Variants in NLRP1 observed in about 807,000 individuals in gnomAD.
NLRP1 encodes the protein NLR family pyrin domain containing 1.
NLRP1 carries 94 observed loss-of-function variants against 136.7 expected under a neutral mutation model. That is an observed-to-expected ratio of 0.69 (90% CI 0.58 to 0.82). The LOEUF is 0.82. Ranked by LOEUF, NLRP1 falls within the 40% of genes least tolerant of loss-of-function variation. NLRP1 has a pLI of 0.00. For synonymous variants in NLRP1, 690 were observed against 725.1 expected, an observed-to-expected ratio of 0.95 and a Z score of 0.78; for missense variants, 1,575 against 1,802.7, an observed-to-expected ratio of 0.87 and a Z score of 2.29.
chr17:5,530,223 C>T (rs554392587), intron 12 of NLRP1, among the ~76,000 whole-genome samples: 1 of 152,312 alleles, frequency 6.6e-6, no homozygotes, highest in East Asian at 1.9e-4. Flanking sequence ...TTGAGTGATA[C>T]AGTCTATATA....
chr17:5,562,014 A>T (rs965676126), intron 3 of NLRP1, among the ~76,000 whole-genome samples: 1 of 152,142 alleles, frequency 6.6e-6, no homozygotes, highest in Non-Finnish European at 1.5e-5. Context: ...CTTCCAGCGC[A>T]GTGGTCCTAA....
downstream of NLRP1, among the ~76,000 whole-genome samples, chr17:5,510,763 T>C (rs1451437388): frequency 6.6e-6 from 1 of 152,152 alleles, no homozygotes; most frequent in Non-Finnish European, 1.5e-5. Flanking sequence ...CTGGTCTCAA[T>C]AGATCTTCAG....
intron 15 of NLRP1, chr17:5,502,387 T>C: frequency 6.1e-6 from 1 of 162,666 alleles, no homozygotes. Flanking sequence ...CCTCCCAGGT[T>C]CAAGCGATTC....
At position 5,541,173 on chromosome 17, in the gene NLRP1, G is replaced by A. The variant is rs1911817927; in HGVS notation, c.2699+684C>T. On this transcript the variant is annotated intron_variant, in intron 6 of 16. Coordinates refer to ENST00000572272, the MANE Select transcript of NLRP1 (RefSeq NM_033004.4). The surrounding 1 kb of genome is among the most constrained non-coding windows in gnomAD (Gnocchi z 4.2). ...AATTCTCCTGCCTCAGGCTCCCTGA[G>A]TAGCTGGGATTACAGGTGCCCACCA... Among the ~76,000 whole-genome samples, 1 of 152,180 alleles carries A rather than the reference G, an allele frequency of 6.6e-6. No homozygotes were observed. The highest frequency in any genetic ancestry group is 1.5e-5 in the Non-Finnish European group (1 of 68,034).
rs148428943 is a variant in NLRP1, at chr17:5,527,560, G to A, written c.3520+2921C>T. Among the ~76,000 whole-genome samples the A allele has an allele frequency of 1.6e-3, 244 of 152,276 alleles. 6 individuals carry two copies. In the East Asian group the frequency reaches 0.041, roughly 26 times the overall value. ...CTGGAAGAGGGTCTTCACCTCTCTCGGCTTCAGTTTCCTCACTGGTACACC... is the reference window on the plus strand; with the variant it reads ...CTGGAAGAGGGTCTTCACCTCTCTCAGCTTCAGTTTCCTCACTGGTACACC... On this transcript the variant is annotated intron_variant, in intron 12 of 16. Transcript: ENST00000572272.
chr17:5,507,932 G>A (rs557114484), intron 15 of NLRP1, among the ~76,000 whole-genome samples: 235 of 151,902 alleles, frequency 1.5e-3, no homozygotes, highest in Non-Finnish European at 2.0e-3. Context: ...TCAGGAGTTC[G>A]AGACCAGCCT....
At chr17:5,512,166 C>T (rs977990574), downstream of NLRP1, 2 of 1,039,722 alleles carry the variant, frequency 1.9e-6, no homozygotes, top group Middle Eastern at 2.0e-4. Context: ...GATCTGAATT[C>T]TCACTTTCAG....
intron 3 of NLRP1, among the ~76,000 whole-genome samples, chr17:5,560,640 G>A (rs1037356404): frequency 6.6e-6 from 1 of 152,126 alleles, no homozygotes; most frequent in African/African-American, 2.4e-5. Flanking sequence ...TGACAGGTGG[G>A]GTCCCTTGCC....
chr17:5,506,770 T>G (rs906500024), intron 15 of NLRP1, among the ~76,000 whole-genome samples: 2 of 150,744 alleles, frequency 1.3e-5, no homozygotes, highest in Non-Finnish European at 3.0e-5. Context: ...GGCATGATGG[T>G]CGACACCTGT....
Position 5,583,632 on chromosome 17 carries a change from C to A in NLRP1, c.271+55G>T, listed in dbSNP as rs1597493797. The A allele has an allele frequency of 1.3e-6, 2 of 1,511,286 alleles. No individual in the cohort carries two copies. The highest frequency in any genetic ancestry group is 1.8e-6 in the Non-Finnish European group (2 of 1,122,106). The allele number at this position is 1,511,286 out of a possible 1,614,324, so 93.6% of individuals were successfully genotyped here. On this transcript the variant is annotated intron_variant, in intron 1 of 16. Transcript: ENST00000572272. This position sits in a 1 kb window ranked among gnomAD's most constrained non-coding sequence, Gnocchi z 4.5. ...GTGGTGGGGTCCCAAGAGGGCAGGG[C>A]AGGCATGAGGGCCAGGGGATGTCCC...
In NLRP1 at chr17:5,521,517, G is replaced by C; in HGVS notation, c.3783+7C>G. On this transcript the variant is annotated splice_region_variant and intron_variant, in intron 13 of 16. Transcript: ENST00000572272. Reference sequence around the variant, plus strand: ...CGTGGCCCAGCCTTTCTGGCTCTTAGTGTCACCTTCCGAATGGAGCAGTCA... The same window carrying C: ...CGTGGCCCAGCCTTTCTGGCTCTTACTGTCACCTTCCGAATGGAGCAGTCA... 6.2e-7 allele frequency: 1 copy of C among 1,610,832 alleles called. No homozygotes were observed. The highest frequency in any genetic ancestry group is 1.8e-4 in the Middle Eastern group (1 of 5,618).
rs201503113 is a variant in NLRP1 at position 5,530,482 on chromosome 17, T to C, written c.3519A>G (p.Gln1173=). The C allele has an allele frequency of 2.6e-5, 42 of 1,613,424 alleles. No individual in the cohort carries two copies. Among genetic ancestry groups the C allele is most frequent in the Non-Finnish European group, 3.3e-5 (39 of 1,179,668 alleles). Residue 1173 remains glutamine, a splice_region_variant and synonymous_variant, in exon 12 of 17, where the codon CAA becomes CAG. Transcript: ENST00000572272. The part of the protein sequence containing the change: ...AVHLPHFVAL[Q]GGHVDTSLFQ... ...TCCCTATCCTTCCCTGTTGTTTACC[T>C]TGGAGAGCCACAAAGTGAGGGAGGT...
chr17:5,508,381 C>T (rs1477926882), intron 15 of NLRP1, among the ~76,000 whole-genome samples: 1 of 152,204 alleles, frequency 6.6e-6, no homozygotes, highest in Non-Finnish European at 1.5e-5. Context: ...GAACTCCTGG[C>T]CTCAAGTGAT....
At chr17:5,511,124 C>G (rs1288379181), downstream of NLRP1, among the ~76,000 whole-genome samples, 1 of 152,126 alleles carries the variant, frequency 6.6e-6, no homozygotes, top group East Asian at 1.9e-4. Flanking sequence ...AGAATTCTAG[C>G]TGTTGCTATT....
Position 5,534,004 on chromosome 17 carries a change from T to C in NLRP1, c.2961-16A>G. The C allele has an allele frequency of 6.4e-7, 1 of 1,561,808 alleles. No individual in the cohort carries two copies. The highest frequency in any genetic ancestry group is 8.8e-7 in the Non-Finnish European group (1 of 1,132,352). ...ACTTGGTTTCCTGGACAAAGAATTGTTCATTCTGCCTAAGATCTTGGAGGA... is the reference window on the plus strand; with the variant it reads ...ACTTGGTTTCCTGGACAAAGAATTGCTCATTCTGCCTAAGATCTTGGAGGA... On this transcript the variant is annotated splice_polypyrimidine_tract_variant and intron_variant, in intron 8 of 16. Transcript: ENST00000572272.
rs769372142 is a variant in NLRP1, at chr17:5,521,767, G to A, written c.3540C>T (p.Ser1180=). 6 of 1,608,090 alleles carry A rather than the reference G, an allele frequency of 3.7e-6. No homozygotes were observed. In the African/African-American group the frequency reaches 6.7e-5, roughly 18 times the overall value. The part of the protein sequence containing the change: ...VALQGGHVDT[S]LFQMAHFKEE... ...CTTTAAAGTGGGCCATTTGGAACAG[G>A]GATGTGTCCACATGGCCCCCTGTAA... is the stretch of plus-strand genomic sequence containing the variant. The change falls in exon 13 of 17, where the codon TCC becomes TCT. Residue 1180 remains serine, a synonymous_variant. Transcript: ENST00000572272.
chr17:5,558,549 A>G lies in NLRP1; in HGVS notation c.2147T>C (p.Leu716Pro), dbSNP rs201817755. 20 of 1,613,958 alleles carry G rather than the reference A, an allele frequency of 1.2e-5. No individual in the cohort carries two copies. Among genetic ancestry groups the G allele is most frequent in the Non-Finnish European group, 1.6e-5 (19 of 1,180,010 alleles). ...CTCGTACAAGCAGTGGAGGGACTCC[A>G]GAGAGTGTGGCTGCAGCAGCAGCTG... Reference protein sequence around the residue: ...SLQLLLQPHSLESLHCLYETR... With the variant: ...SLQLLLQPHSPESLHCLYETR... The change falls in exon 4 of 17, where the codon CTG (leucine) becomes CCG (proline). Residue 716 changes from leucine (L) to proline (P), a missense_variant. Physicochemically the swap from Leu to Pro is moderately conservative, Grantham distance 98. Transcript: ENST00000572272.
intron 14 of NLRP1, 88 bp downstream of exon 14, chr17:5,520,793 T>C: frequency 1.6e-6 from 2 of 1,240,072 alleles, no homozygotes; most frequent in Admixed American, 2.9e-5. Context: ...ATCCTGTCCC[T>C]GAGAAAGCCC....
chr17:5,514,983 A>G lies in NLRP1; in HGVS notation c.4193T>C (p.Val1398Ala). ...QLIARVTSVE[V>A]VLDKLHGQVL... ...CTGTCCATGCAGTTTGTCCAAGACA[A>G]CCTCCACCGATGTCACTCGGGCTAT... Residue 1398 changes from valine to alanine, a missense_variant, in exon 17 of 17, where the codon GTT (valine) becomes GCT (alanine). Transcript: ENST00000572272. The G allele has an allele frequency of 3.7e-6, 6 of 1,613,684 alleles. No homozygotes were observed. The highest frequency in any genetic ancestry group is 5.1e-6 in the Non-Finnish European group (6 of 1,179,968).
Sources: gnomAD v4.1 joint callset for allele counts (sites outside exome capture counted in the v4.1 genomes callset) on GRCh38, gnomAD v4.1.1 for gene constraint, Gnocchi (gnomAD v3.1) non-coding constraint, MANE v1.5 for transcripts, NCBI Gene and HGNC (gene_info 2026-07-23, HGNC 2026-07-21) for gene names.